DIS3L2: variants seen among roughly 807,000 people sequenced by gnomAD.
DIS3L2 encodes DIS3 like 3'-5' exoribonuclease 2, also known as DIS3-like exonuclease 2.
A neutral mutation model predicts 97.5 loss-of-function variants in DIS3L2; 34 were observed. The observed-to-expected ratio is 0.35, with a 90% confidence interval of 0.27 to 0.46. The LOEUF is 0.46. DIS3L2 is among the 20% of genes least tolerant of loss of function. DIS3L2 has a pLI of 1.00. For synonymous variants in DIS3L2, 435 were observed against 445.2 expected, an observed-to-expected ratio of 0.98 and a Z score of 0.29; for missense variants, 1,038 against 1,146.0, an observed-to-expected ratio of 0.91 and a Z score of 1.36.
chr2:232,278,015 A>T (rs139504191), intron 13 of DIS3L2, among the ~76,000 whole-genome samples: 1 of 152,254 alleles, frequency 6.6e-6, no homozygotes, highest in Non-Finnish European at 1.5e-5. Flanking sequence ...AATGCAGCAC[A>T]TGACTGAATT....
intron 14 of DIS3L2, among the ~76,000 whole-genome samples, chr2:232,317,935 T>C (rs754536857): frequency 6.6e-6 from 1 of 152,214 alleles, no homozygotes; most frequent in Non-Finnish European, 1.5e-5. Flanking sequence ...GCGAGGTAGG[T>C]AGAAGAAGTT....
intron 6 of DIS3L2, among the ~76,000 whole-genome samples, chr2:232,088,469 G>A (rs1261698174): frequency 1.3e-5 from 2 of 151,268 alleles, no homozygotes; most frequent in Non-Finnish European, 2.9e-5. Context: ...GGCTGAGGCA[G>A]GAGAATGGCG....
intron 1 of DIS3L2, among the ~76,000 whole-genome samples, chr2:231,995,251 A>G (rs1326768190): frequency 2.6e-5 from 4 of 152,136 alleles, no homozygotes; most frequent in Admixed American, 6.5e-5. Context: ...GACTGTAGGC[A>G]TATTCTGAAG....
intron 1 of DIS3L2, among the ~76,000 whole-genome samples, chr2:232,001,431 C>T (rs995875135): frequency 2.0e-5 from 3 of 151,910 alleles, no homozygotes; most frequent in Non-Finnish European, 4.4e-5. Flanking sequence ...GTTTGAGTTC[C>T]TTGTGCATTT....
intron 13 of DIS3L2, among the ~76,000 whole-genome samples, chr2:232,290,517 G>C (rs1694572458): frequency 6.6e-6 from 1 of 152,168 alleles, no homozygotes; most frequent in African/African-American, 2.4e-5. Context: ...GCTTGACCTG[G>C]GGGCATGAAT....
intron 11 of DIS3L2, among the ~76,000 whole-genome samples, chr2:232,244,904 G>A (rs1362466224): frequency 2.6e-5 from 4 of 152,118 alleles, no homozygotes; most frequent in South Asian, 2.1e-4. Context: ...ACCTCCACAC[G>A]GCCCAGCAGT....
At chr2:232,308,233 T>C (rs1695036186) in intron 14 of DIS3L2, among the ~76,000 whole-genome samples, 1 of 152,214 alleles carries the variant, frequency 6.6e-6, no homozygotes, top group Non-Finnish European at 1.5e-5. Flanking sequence ...GATTGGCCCT[T>C]GTAGTAGACC....
chr2:232,233,248 C>T (rs967006279), intron 10 of DIS3L2, among the ~76,000 whole-genome samples: 5 of 152,198 alleles, frequency 3.3e-5, no homozygotes, highest in Non-Finnish European at 4.4e-5. Context: ...TCCTCACAGT[C>T]CTTGAGGCTG....
intron 1 of DIS3L2, among the ~76,000 whole-genome samples, chr2:231,967,202 G>A (rs1445250675): frequency 6.6e-6 from 1 of 152,186 alleles, no homozygotes; most frequent in African/African-American, 2.4e-5. Context: ...AGTATTGGTG[G>A]AGTGTCTGGT....
intron 6 of DIS3L2, among the ~76,000 whole-genome samples, chr2:232,105,540 T>G (rs1446600293): frequency 1.3e-5 from 2 of 152,210 alleles, no homozygotes; most frequent in Non-Finnish European, 2.9e-5. Context: ...GAGTCATTCC[T>G]ACCTACTTGC....
intron 6 of DIS3L2, among the ~76,000 whole-genome samples, chr2:232,128,451 ATTTTTTTTTTTTTTTTT>A (rs10682281): frequency 1.4e-5 from 1 of 71,676 alleles, no homozygotes; most frequent in Non-Finnish European, 2.4e-5. Flanking sequence ...AACTTTGCTA[ATTTTTTTTTTTTTTTTT>A]TTTTTTTTTT....
chr2:232,240,459 G>A (rs1244211770), intron 11 of DIS3L2, among the ~76,000 whole-genome samples: 1 of 152,206 alleles, frequency 6.6e-6, no homozygotes, highest in Non-Finnish European at 1.5e-5. Flanking sequence ...AGGTAACTGT[G>A]TCATGGGCAA....
At chr2:232,032,828 A>G (rs570942134) in intron 5 of DIS3L2, among the ~76,000 whole-genome samples, 5 of 152,132 alleles carry the variant, frequency 3.3e-5, no homozygotes, top group South Asian at 2.1e-4. Flanking sequence ...TCTGAGGCCT[A>G]TATTCTGTCC....
At position 232,029,190 on chromosome 2, in the gene DIS3L2, C is replaced by T. The variant is rs538813112; in HGVS notation, c.265-789C>T. Among the ~76,000 whole-genome samples the T allele has an allele frequency of 1.5e-4, 23 of 152,204 alleles. No homozygotes were observed. The East Asian group carries it at 4.4e-3, about 29-fold the overall frequency. On this transcript the variant is annotated intron_variant, in intron 4 of 20. Coordinates refer to ENST00000325385, the MANE Select transcript of DIS3L2 (RefSeq NM_152383.5). ...GTAAGAAAAAATGTTTTACTTCTTTCTTATTCTCTGAAAAAGAGCACATCA... is the reference window on the plus strand; with the variant it reads ...GTAAGAAAAAATGTTTTACTTCTTTTTTATTCTCTGAAAAAGAGCACATCA...
chr2:231,970,535 T>C (rs939729625), intron 1 of DIS3L2, among the ~76,000 whole-genome samples: 1 of 152,132 alleles, frequency 6.6e-6, no homozygotes, highest in Non-Finnish European at 1.5e-5. Flanking sequence ...GATGTATCTA[T>C]ACATAGAAAA....
chr2:232,139,748 T>C (rs1169690670), intron 8 of DIS3L2, among the ~76,000 whole-genome samples: 1 of 152,134 alleles, frequency 6.6e-6, no homozygotes, highest in Non-Finnish European at 1.5e-5. Context: ...TCACTCTGAC[T>C]GAGAGTAAAG....
At chr2:232,340,892 G>A (rs753259835), downstream of DIS3L2, 5 of 471,010 alleles carry the variant, frequency 1.1e-5, no homozygotes, top group South Asian at 7.7e-5. Context: ...AAAACTTCAT[G>A]AAACAAAAAA....
At chr2:232,155,286 A>G (rs1377071503) in intron 8 of DIS3L2, among the ~76,000 whole-genome samples, 2 of 151,978 alleles carry the variant, frequency 1.3e-5, no homozygotes, top group Non-Finnish European at 2.9e-5. Flanking sequence ...TTAACAACTA[A>G]TATCAGGTCC....
intron 6 of DIS3L2, among the ~76,000 whole-genome samples, chr2:232,107,750 C>A (rs1452296350): frequency 6.6e-6 from 1 of 152,038 alleles, no homozygotes; most frequent in Admixed American, 6.5e-5. Context: ...ATACAAATAA[C>A]CATCAGAGAA....
Sources: allele counts gnomAD v4.1 joint callset (sites outside exome capture counted in the v4.1 genomes callset), GRCh38; gene constraint gnomAD v4.1.1; transcripts MANE v1.5; gene names NCBI Gene and HGNC (gene_info 2026-07-23, HGNC 2026-07-21).